The following FAAH2 variants were observed in gnomAD, a reference collection of about 807,000 sequenced individuals.
FAAH2 encodes the protein fatty acid amide hydrolase 2, also known as fatty-acid amide hydrolase 2.
A neutral mutation model predicts 36.9 loss-of-function variants in FAAH2; 60 were observed. That is an observed-to-expected ratio of 1.63 (90% CI 1.32 to 2.02). The LOEUF is 2.02. Ranked by LOEUF, FAAH2 falls within the 30% of genes most tolerant of loss-of-function variation. The pLI is 0.00. For missense variants in FAAH2, 689 were observed against 397.5 expected, an observed-to-expected ratio of 1.73 and a Z score of -6.23; for synonymous variants, 214 against 143.8, an observed-to-expected ratio of 1.49 and a Z score of -3.49.
chrX:57,222,218 C>T, the FAAH2 span, among the ~76,000 whole-genome samples: 1 of 110,974 alleles, frequency 9.0e-6, no homozygotes, highest in African/African-American at 3.3e-5. Context: ...GGGTTCCCTC[C>T]TTCGCTCTAT....
At chrX:57,466,365 A>C (rs2057050952) in intron 10 of FAAH2, among the ~76,000 whole-genome samples, 1 of 106,686 alleles carries the variant, frequency 9.4e-6, no homozygotes, top group Admixed American at 1.0e-4. Context: ...AACAACTCAA[A>C]ACTAATTAAA....
the FAAH2 span, among the ~76,000 whole-genome samples, chrX:57,239,534 G>C: frequency 9.1e-6 from 1 of 109,798 alleles, no homozygotes; most frequent in Non-Finnish European, 1.9e-5. Flanking sequence ...CTTGGAAATG[G>C]TCATCTTGCA....
chrX:57,287,047 G>A, intron 1 of FAAH2, 30 bp downstream of exon 1: 1 of 1,128,500 alleles, frequency 8.9e-7, no homozygotes, highest in Non-Finnish European at 1.2e-6. Flanking sequence ...GAGGCTGGAG[G>A]GACAGGTCTT....
At chrX:57,467,266 T>A (rs760538346) in intron 10 of FAAH2, among the ~76,000 whole-genome samples, 33 of 110,409 alleles carry the variant, frequency 3.0e-4, no homozygotes, top group Middle Eastern at 4.6e-3. Context: ...GGACAGCGGG[T>A]GCAGTGCAAT....
At chrX:57,260,622 A>T in the FAAH2 span, among the ~76,000 whole-genome samples, 1 of 111,958 alleles carries the variant, frequency 8.9e-6, no homozygotes, top group Admixed American at 9.5e-5. Context: ...AAAATGGCAA[A>T]ACATGTATTT....
intron 7 of FAAH2, chrX:57,394,006 C>T (rs1316119702): frequency 2.7e-6 from 2 of 750,620 alleles, no homozygotes; most frequent in Non-Finnish European, 4.2e-6. Flanking sequence ...TTACTGATGG[C>T]ACCAAATGAG....
intron 8 of FAAH2, among the ~76,000 whole-genome samples, chrX:57,439,250 C>G (rs1280766795): frequency 3.7e-5 from 4 of 109,588 alleles, no homozygotes; most frequent in Non-Finnish European, 7.6e-5. Flanking sequence ...TCTCCACATC[C>G]TCTCCAGCAC....
At chrX:57,441,515 G>C (rs755551708) in intron 8 of FAAH2, among the ~76,000 whole-genome samples, 18 of 109,370 alleles carry the variant, frequency 1.6e-4, no homozygotes, top group African/African-American at 6.0e-4. Context: ...AGTCTTGCTA[G>C]TGGTCTATCA....
chrX:57,472,463 T>C (rs1019695831), intron 10 of FAAH2, among the ~76,000 whole-genome samples: 1 of 112,067 alleles, frequency 8.9e-6, no homozygotes, highest in African/African-American at 3.2e-5. Context: ...TTTCATGTTT[T>C]TAATATCGTG....
the FAAH2 span, among the ~76,000 whole-genome samples, chrX:57,225,810 G>A: frequency 9.0e-6 from 1 of 111,698 alleles, no homozygotes; most frequent in Non-Finnish European, 1.9e-5. Flanking sequence ...TTATAAATTT[G>A]GGATCTCTAG....
the FAAH2 span, among the ~76,000 whole-genome samples, chrX:57,270,307 A>G: frequency 8.9e-6 from 1 of 111,847 alleles, no homozygotes; most frequent in Non-Finnish European, 1.9e-5. Flanking sequence ...AGCTGGTACC[A>G]TTCCTATTGA....
intron 5 of FAAH2, among the ~76,000 whole-genome samples, chrX:57,362,725 A>C (rs1302633367): frequency 1.8e-5 from 2 of 112,006 alleles, no homozygotes; most frequent in Non-Finnish European, 3.8e-5. Flanking sequence ...GATGTTTATA[A>C]GTTTAGTCTT....
At chrX:57,354,386 A>G (rs374626935) in intron 5 of FAAH2, among the ~76,000 whole-genome samples, 1 of 110,717 alleles carries the variant, frequency 9.0e-6, no homozygotes, top group Non-Finnish European at 1.9e-5. Context: ...CGTTTTTTAC[A>G]TGGATGCAGA....
Position 57,378,754 on chromosome X carries a change from G to A in FAAH2, c.846G>A (p.Met282Ile), listed in dbSNP as rs754697204. 25 of 1,208,146 alleles carry A rather than the reference G, an allele frequency of 2.1e-5. No individual in the cohort carries two copies. The highest frequency in any genetic ancestry group is 2.8e-5 in the Non-Finnish European group (25 of 894,540). The change falls in exon 6 of 11, where the codon ATG (methionine) becomes ATA (isoleucine). Residue 282 changes from methionine (M) to isoleucine (I), a missense_variant. Coordinates refer to ENST00000374900, the MANE Select transcript of FAAH2 (RefSeq NM_174912.4). ...MCRYAEDLAP[M>I]LKVMAGPGIK... ...GTTATGCTGAAGACCTGGCCCCCAT[G>A]TTGAAGGTCATGGCAGGACCTGGGA...
At chrX:57,258,600 A>T in the FAAH2 span, among the ~76,000 whole-genome samples, 1 of 111,812 alleles carries the variant, frequency 8.9e-6, no homozygotes, top group African/African-American at 3.2e-5. Context: ...CTTAAAAACA[A>T]AAAAGAAATA....
chrX:57,324,770 A>G (rs1050080052), intron 3 of FAAH2, among the ~76,000 whole-genome samples: 1 of 112,201 alleles, frequency 8.9e-6, no homozygotes, highest in South Asian at 3.7e-4. Flanking sequence ...TAAATATACA[A>G]TCATGTGATC....
intron 7 of FAAH2, among the ~76,000 whole-genome samples, chrX:57,430,772 T>C (rs2056276493): frequency 8.9e-6 from 1 of 111,878 alleles, no homozygotes; most frequent in Non-Finnish European, 1.9e-5. Context: ...TTTTTTTTAG[T>C]TTAATGGTAT....
the FAAH2 span, among the ~76,000 whole-genome samples, chrX:57,128,802 TTAGA>T: frequency 9.0e-6 from 1 of 111,716 alleles, no homozygotes; most frequent in Non-Finnish European, 1.9e-5. Flanking sequence ...CTAGAATGAA[TTAGA>T]TAGACAAGAT....
intron 7 of FAAH2, among the ~76,000 whole-genome samples, chrX:57,405,982 A>T (rs1339693221): frequency 2.8e-5 from 3 of 108,772 alleles, no homozygotes; most frequent in Non-Finnish European, 5.7e-5. Flanking sequence ...ATTGCTATGG[A>T]GATATTGATG....
Sources: allele counts gnomAD v4.1 joint callset (sites outside exome capture counted in the v4.1 genomes callset), GRCh38; gene constraint gnomAD v4.1.1; transcripts MANE v1.5; gene names NCBI Gene and HGNC (gene_info 2026-07-23, HGNC 2026-07-21).